NR2F1-AS1: variants seen among roughly 807,000 people sequenced by gnomAD.
NR2F1-AS1 encodes NR2F1 regulatory antisense RNA 1, also known as NR2F1 antisense RNA 1.
At chr5:93,556,884 C>T (rs1254073179) in intron 2 of NR2F1-AS1, among the ~76,000 whole-genome samples, 2 of 152,114 alleles carry the variant, frequency 1.3e-5, no homozygotes, top group Non-Finnish European at 2.9e-5. Flanking sequence ...TTGTTATAGC[C>T]ACCATAGCAA....
At chr5:93,572,509 TC>T (rs1752795140) in intron 1 of NR2F1-AS1, among the ~76,000 whole-genome samples, 1 of 151,996 alleles carries the variant, frequency 6.6e-6, no homozygotes. Flanking sequence ...TGGCTCCCCG[TC>T]CCTCCTCGCT....
intron 4 of NR2F1-AS1, among the ~76,000 whole-genome samples, chr5:93,442,349 G>A (rs1173163887): frequency 6.6e-6 from 1 of 152,156 alleles, no homozygotes; most frequent in Non-Finnish European, 1.5e-5. Flanking sequence ...CCCTAATACT[G>A]TGCTTTTCCA....
intron 4 of NR2F1-AS1, among the ~76,000 whole-genome samples, chr5:93,504,599 C>T (rs754721785): frequency 2.6e-5 from 4 of 152,140 alleles, no homozygotes; most frequent in Middle Eastern, 3.4e-3. Flanking sequence ...TACAGTTCCA[C>T]ATGGCTGGGG....
chr5:93,549,658 G>A (rs1392566534), intron 4 of NR2F1-AS1, among the ~76,000 whole-genome samples: 1 of 152,008 alleles, frequency 6.6e-6, no homozygotes. Flanking sequence ...TTTTACTAAG[G>A]GAATGACTGA....
intron 4 of NR2F1-AS1, among the ~76,000 whole-genome samples, chr5:93,498,468 A>G (rs1296004153): frequency 6.6e-6 from 1 of 152,158 alleles, no homozygotes; most frequent in Non-Finnish European, 1.5e-5. Context: ...AGTTGCAAGT[A>G]AATGTGTCAT....
intron 4 of NR2F1-AS1, among the ~76,000 whole-genome samples, chr5:93,469,107 CTAAAT>C (rs1041463460): frequency 6.6e-6 from 1 of 152,058 alleles, no homozygotes; most frequent in Non-Finnish European, 1.5e-5. Flanking sequence ...TTGATACTCT[CTAAAT>C]TATAGTCATT....
chr5:93,566,240 G>A (rs1244611161), intron 1 of NR2F1-AS1, among the ~76,000 whole-genome samples: 1 of 151,950 alleles, frequency 6.6e-6, no homozygotes, highest in African/African-American at 2.4e-5. Flanking sequence ...TCATTATGAT[G>A]TAGATATATA....
At chr5:93,472,416 A>G (rs1420038809) in intron 4 of NR2F1-AS1, among the ~76,000 whole-genome samples, 1 of 151,828 alleles carries the variant, frequency 6.6e-6, no homozygotes, top group Non-Finnish European at 1.5e-5. Flanking sequence ...GGTGTGCAAT[A>G]AATACTTGTG....
At chr5:93,418,653 T>C (rs1420298572) in intron 4 of NR2F1-AS1, among the ~76,000 whole-genome samples, 1 of 152,044 alleles carries the variant, frequency 6.6e-6, no homozygotes, top group Non-Finnish European at 1.5e-5. Context: ...TGTAAATTCA[T>C]CCAAATATCT....
intron 4 of NR2F1-AS1, among the ~76,000 whole-genome samples, chr5:93,418,588 A>AAT (rs1749019089): frequency 6.7e-6 from 1 of 149,410 alleles, no homozygotes; most frequent in African/African-American, 2.5e-5. Flanking sequence ...CCGTCTCATA[A>AAT]AAATAAATAA....
intron 4 of NR2F1-AS1, among the ~76,000 whole-genome samples, chr5:93,467,783 C>T (rs927045760): frequency 2.6e-5 from 4 of 152,146 alleles, no homozygotes; most frequent in East Asian, 1.9e-4. Flanking sequence ...CCCATTAACT[C>T]GTCATTTATA....
intron 4 of NR2F1-AS1, among the ~76,000 whole-genome samples, chr5:93,488,030 GC>G (rs1209039514): frequency 6.6e-6 from 1 of 152,172 alleles, no homozygotes; most frequent in African/African-American, 2.4e-5. Context: ...GGGAAAACTG[GC>G]TAGCCACATG....
intron 4 of NR2F1-AS1, among the ~76,000 whole-genome samples, chr5:93,510,358 T>A (rs1013780462): frequency 6.6e-6 from 1 of 152,154 alleles, no homozygotes; most frequent in African/African-American, 2.4e-5. Context: ...TTATTTAGGA[T>A]AATCATTCCT....
chr5:93,445,600 C>T (rs1035803303), intron 4 of NR2F1-AS1, among the ~76,000 whole-genome samples: 2 of 152,076 alleles, frequency 1.3e-5, no homozygotes, highest in Non-Finnish European at 2.9e-5. Context: ...GACAGATTCA[C>T]AGCCGAATTC....
intron 2 of NR2F1-AS1, among the ~76,000 whole-genome samples, chr5:93,561,534 A>G (rs1752487333): frequency 6.6e-6 from 1 of 152,122 alleles, no homozygotes; most frequent in African/African-American, 2.4e-5. Flanking sequence ...GCACTTTGGG[A>G]GGCCAAAGCG....
intron 4 of NR2F1-AS1, among the ~76,000 whole-genome samples, chr5:93,545,431 G>A (rs749616669): frequency 2.0e-5 from 3 of 152,172 alleles, no homozygotes; most frequent in Non-Finnish European, 2.9e-5. Context: ...AAGTATCTCT[G>A]TAACTATTCC....
At chr5:93,428,980 T>C (rs548661232) in intron 4 of NR2F1-AS1, among the ~76,000 whole-genome samples, 1 of 152,152 alleles carries the variant, frequency 6.6e-6, no homozygotes, top group South Asian at 2.1e-4. Flanking sequence ...CAAATAATAT[T>C]ATGGCTTTGT....
intron 4 of NR2F1-AS1, among the ~76,000 whole-genome samples, chr5:93,448,433 A>C (rs563153984): frequency 9.8e-5 from 15 of 152,352 alleles, no homozygotes; most frequent in South Asian, 2.1e-4. Flanking sequence ...ATGCACACAA[A>C]GACAATGGCT....
intron 4 of NR2F1-AS1, among the ~76,000 whole-genome samples, chr5:93,519,966 A>G (rs989186026): frequency 2.0e-5 from 3 of 152,054 alleles, no homozygotes; most frequent in African/African-American, 7.2e-5. Context: ...CTCTCTATTT[A>G]TGGAAAGACA....
Sources: allele counts gnomAD v4.1 joint callset (sites outside exome capture counted in the v4.1 genomes callset), GRCh38; gene constraint gnomAD v4.1.1; transcripts MANE v1.5; gene names NCBI Gene and HGNC (gene_info 2026-07-23, HGNC 2026-07-21).